The following DNAH2 variants were observed in gnomAD, a reference collection of about 807,000 sequenced individuals.
DNAH2 encodes the protein axonemal beta dynein heavy chain 2.
DNAH2 carries 323 observed loss-of-function variants against 523.5 expected under a neutral mutation model. The ratio of observed to expected loss-of-function variants is 0.62; its 90% CI spans 0.56 to 0.68. The LOEUF (loss-of-function observed/expected upper bound fraction) is 0.68, where lower values mean the gene tolerates loss of function less well. DNAH2 is among the 30% of genes least tolerant of loss of function. DNAH2 has a pLI of 0.00. For missense variants in DNAH2, 4,907 were observed against 5,701.5 expected, an observed-to-expected ratio of 0.86 and a Z score of 4.49; for synonymous variants, 2,093 against 2,177.4, an observed-to-expected ratio of 0.96 and a Z score of 1.08.
intron 44 of DNAH2, 45 bp downstream of exon 44, chr17:7,788,289 C>G: frequency 6.6e-7 from 1 of 1,510,768 alleles, no homozygotes; most frequent in South Asian, 1.2e-5. Context: ...GGGGTGCTCA[C>G]AGCCTCACCA....
Position 7,793,210 on chromosome 17 carries a change from G to A in DNAH2, c.7569+5G>A. On this transcript the variant is annotated splice_donor_5th_base_variant and intron_variant, in intron 48 of 85. Transcript: ENST00000572933. ...CAGACCATCAAGTACATTCGAGTAA[G>A]CCTCGCTAGAGTCTGTTCTTCAGGC... 2 of 1,612,244 alleles carry A rather than the reference G, an allele frequency of 1.2e-6. No individual in the cohort carries two copies. Among genetic ancestry groups the A allele is most frequent in the Non-Finnish European group, 1.7e-6 (2 of 1,178,712 alleles).
At position 7,828,610 on chromosome 17, in the gene DNAH2, T is replaced by C; in HGVS notation, c.11854-1690T>C. On this transcript the variant is annotated intron_variant, in intron 77 of 85. Coordinates refer to ENST00000572933, the MANE Select transcript of DNAH2 (RefSeq NM_020877.5). This position sits in a 1 kb window ranked among gnomAD's most constrained non-coding sequence, Gnocchi z 4.1. ...AAAATTCTGTAATGTTCTTTTTTTA[T>C]TTTTTATTTTTTAAATAGAGACAGA... Among the ~76,000 whole-genome samples, 1 of 150,604 alleles carries C rather than the reference T, an allele frequency of 6.6e-6. No homozygotes were observed. The highest frequency in any genetic ancestry group is 1.9e-4 in the East Asian group (1 of 5,198).
At chr17:7,804,818 C>T (rs568605832) in intron 59 of DNAH2, 140 bp from the exon 60 acceptor site, 4 of 715,236 alleles carry the variant, frequency 5.6e-6, no homozygotes, top group Non-Finnish European at 9.4e-6. Context: ...TGCACTCCAG[C>T]CTGGGCGAAA....
chr17:7,805,418 T>C, intron 61 of DNAH2, 25 bp downstream of exon 61: 2 of 1,613,782 alleles, frequency 1.2e-6, no homozygotes, highest in Middle Eastern at 1.6e-4. Flanking sequence ...ATGAAATCAA[T>C]GACTTCCACT....
At chr17:7,820,659 T>C (rs946896264) in intron 72 of DNAH2, among the ~76,000 whole-genome samples, 7 of 152,346 alleles carry the variant, frequency 4.6e-5, no homozygotes, top group African/African-American at 1.7e-4. Context: ...CTTATTCATC[T>C]TTGTGTCTTC....
chr17:7,758,679 G>A, intron 14 of DNAH2, 28 bp downstream of exon 14: 1 of 1,599,664 alleles, frequency 6.3e-7, no homozygotes, highest in Non-Finnish European at 8.5e-7. Context: ...GACCCTAAAG[G>A]TCTGCAAGGC....
At chr17:7,736,067 T>G (rs899919817) in intron 7 of DNAH2, among the ~76,000 whole-genome samples, 1 of 152,048 alleles carries the variant, frequency 6.6e-6, no homozygotes, top group African/African-American at 2.4e-5. Context: ...TTTTAAATTT[T>G]TTGTAGAGAC....
At chr17:7,797,907 C>T in intron 53 of DNAH2, 78 bp downstream of exon 53, 7 of 1,516,596 alleles carry the variant, frequency 4.6e-6, no homozygotes, top group Non-Finnish European at 5.3e-6. Context: ...GGTCCCTTCC[C>T]AGGTCTCCCA....
chr17:7,770,961 T>C, intron 27 of DNAH2, 28 bp downstream of exon 27: 2 of 1,607,916 alleles, frequency 1.2e-6, no homozygotes, highest in Non-Finnish European at 1.7e-6. Context: ...GAGCTCTTCC[T>C]GCTTCCTGCT....
intron 47 of DNAH2, 21 bp downstream of exon 47, chr17:7,792,876 C>A (rs1191581249): frequency 6.2e-7 from 1 of 1,606,402 alleles, no homozygotes; most frequent in Non-Finnish European, 8.5e-7. Context: ...GATCCAGGGG[C>A]CAGGCTGCCG....
rs758059677 is a variant in DNAH2 at position 7,797,276 on chromosome 17, C to T, written c.7949+15C>T. ...GAATGTTTCAGGTGACATGCATGTG[C>T]CCTGGCCAAACGAAGGCTTCCTCAG... is the stretch of plus-strand genomic sequence containing the variant. On this transcript the variant is annotated intron_variant, in intron 51 of 85. Transcript: ENST00000572933. 1 of 1,613,942 alleles carries T rather than the reference C, an allele frequency of 6.2e-7. No individual in the cohort carries two copies. The highest frequency in any genetic ancestry group is 1.1e-5 in the South Asian group (1 of 91,070).
Position 7,798,117 on chromosome 17 carries a change from C to A in DNAH2, c.8231-40C>A. Reference sequence around the variant, plus strand: ...AGGGCCTGGAGGTCCCCTGAGTTTGCTCAGCCAACTCATTACCCTCACACC... The same window carrying A: ...AGGGCCTGGAGGTCCCCTGAGTTTGATCAGCCAACTCATTACCCTCACACC... On this transcript the variant is annotated intron_variant, in intron 53 of 85. Coordinates refer to ENST00000572933, the MANE Select transcript of DNAH2 (RefSeq NM_020877.5). This position sits in a 1 kb window ranked among gnomAD's most constrained non-coding sequence, Gnocchi z 5.5. 1 of 1,541,586 alleles carries A rather than the reference C, an allele frequency of 6.5e-7. No homozygotes were observed.
At chr17:7,726,460 C>A (rs1017297343) in intron 3 of DNAH2, among the ~76,000 whole-genome samples, 6 of 151,738 alleles carry the variant, frequency 4.0e-5, no homozygotes, top group Middle Eastern at 3.4e-3. Context: ...TGCACCACCA[C>A]GCCCGGCTAA....
intron 28 of DNAH2, among the ~76,000 whole-genome samples, chr17:7,773,822 T>C (rs984517153): frequency 5.3e-5 from 8 of 152,106 alleles, no homozygotes; most frequent in Admixed American, 1.3e-4. Context: ...TTCTGCCTTC[T>C]GGGTTTAAGC....
intron 10 of DNAH2, 100 bp downstream of exon 10, chr17:7,740,649 T>G: frequency 6.4e-7 from 1 of 1,556,342 alleles, no homozygotes; most frequent in Non-Finnish European, 8.7e-7. Context: ...CCCTTCTCCA[T>G]GTCCAGCATT....
chr17:7,802,386 C>G (rs552749630), intron 58 of DNAH2, among the ~76,000 whole-genome samples: 1 of 152,318 alleles, frequency 6.6e-6, no homozygotes, highest in African/African-American at 2.4e-5. Context: ...TCCCTACTCT[C>G]TCACTCAACA....
At position 7,739,762 on chromosome 17, in the gene DNAH2, C is replaced by A. The variant is rs1168490391; in HGVS notation, c.1200C>A (p.Arg400=). ...KVCDCQYHFA[R]WEDGKQGPLP... ...GTGACTGTCAGTATCACTTCGCCCG[C>A]TGGGAAGATGGCAAGCAGGGTCCCC... Residue 400 remains arginine (R), a synonymous_variant, in exon 9 of 86, where the codon CGC becomes CGA. Coordinates refer to ENST00000572933, the MANE Select transcript of DNAH2 (RefSeq NM_020877.5). 2 of 1,613,660 alleles carry A rather than the reference C, an allele frequency of 1.2e-6. No individual in the cohort carries two copies. Among genetic ancestry groups the A allele is most frequent in the Non-Finnish European group, 1.7e-6 (2 of 1,180,002 alleles).
chr17:7,807,268 C>T lies in DNAH2; in HGVS notation c.9561C>T (p.Gly3187=), dbSNP rs760969643. 1.2e-5 allele frequency: 19 copies of T among 1,613,786 alleles called. No homozygotes were observed. Among genetic ancestry groups the T allele is most frequent in the Non-Finnish European group, 1.5e-5 (18 of 1,180,044 alleles). ...CTGACTTCCAGCCTGATATCATCGGCCGCGTCTCCCTGGCTGCCAAGTCCC... is the reference window on the plus strand; with the variant it reads ...CTGACTTCCAGCCTGATATCATCGGTCGCGTCTCCCTGGCTGCCAAGTCCC... ...AQPDFQPDII[G]RVSLAAKSLC... is the part of the protein sequence containing the mutation. Residue 3187 remains glycine, a synonymous_variant, in exon 62 of 86, where the codon GGC becomes GGT. Transcript: ENST00000572933. This position sits in a 1 kb window ranked among gnomAD's most constrained non-coding sequence, Gnocchi z 5.6.
intron 3 of DNAH2, among the ~76,000 whole-genome samples, chr17:7,724,931 C>T (rs892822365): frequency 8.6e-5 from 13 of 151,396 alleles, no homozygotes; most frequent in East Asian, 1.9e-4. Context: ...TTAGTAGAGG[C>T]GGGGTTTTGT....
Sources: allele counts gnomAD v4.1 joint callset (sites outside exome capture counted in the v4.1 genomes callset), GRCh38; gene constraint gnomAD v4.1.1; non-coding constraint Gnocchi (gnomAD v3.1); transcripts MANE v1.5; gene names NCBI Gene and HGNC (gene_info 2026-07-23, HGNC 2026-07-21).